Variants in KIAA0232 observed in about 807,000 individuals in gnomAD.
KIAA0232 encodes KIAA0232, also known as uncharacterized protein KIAA0232.
A neutral mutation model predicts 122.0 loss-of-function variants in KIAA0232; 27 were observed. That is an observed-to-expected ratio of 0.22 (90% CI 0.16 to 0.31). KIAA0232 has a LOEUF of 0.31. Among genes scored for constraint, KIAA0232 ranks in the 10% least tolerant of loss-of-function variants. KIAA0232 has a pLI of 1.00. For synonymous variants in KIAA0232, 613 were observed against 587.6 expected, an observed-to-expected ratio of 1.04 and a Z score of -0.63; for missense variants, 1,551 against 1,634.2, an observed-to-expected ratio of 0.95 and a Z score of 0.88.
intron 2 of KIAA0232, among the ~76,000 whole-genome samples, chr4:6,820,995 T>A (rs1442013064): frequency 2.0e-5 from 3 of 152,034 alleles, no homozygotes; most frequent in East Asian, 3.9e-4. Context: ...TATCCTTTTA[T>A]CAGGAGCCCA....
chr4:6,882,668 G>A lies in KIAA0232; in HGVS notation c.*1702G>A, dbSNP rs370519308. The stretch of plus-strand genomic sequence containing the variant: ...TGTGTGCGCGCGTGCGCGCGCGCAT[G>A]TGTAAGGTTTTATGTTGCTGTTATT... On this transcript the variant is annotated 3_prime_UTR_variant, in exon 10 of 10. Coordinates refer to ENST00000307659, the MANE Select transcript of KIAA0232 (RefSeq NM_014743.3). 2.6e-5 allele frequency: 4 copies of A among 152,714 alleles called. No homozygotes were observed. Among genetic ancestry groups the A allele is most frequent in the South Asian group, 4.1e-4 (2 of 4,820 alleles). 9.5% of individuals were successfully genotyped at this position (152,714 alleles called of 1,614,324 possible).
chr4:6,803,032 A>G (rs1313082728), intron 1 of KIAA0232, among the ~76,000 whole-genome samples: 1 of 140,500 alleles, frequency 7.1e-6, no homozygotes, highest in Non-Finnish European at 1.5e-5. Context: ...AAAAAAAAAA[A>G]AGCCAGGTTT....
intron 4 of KIAA0232, among the ~76,000 whole-genome samples, chr4:6,847,372 A>G (rs1162764763): frequency 1.3e-5 from 2 of 152,194 alleles, no homozygotes; most frequent in Non-Finnish European, 2.9e-5. Context: ...AACAAGTTGT[A>G]CCCCACATTA....
chr4:6,783,630 A>C (rs1716467584), intron 1 of KIAA0232, among the ~76,000 whole-genome samples: 3 of 148,036 alleles, frequency 2.0e-5, no homozygotes, highest in Admixed American at 2.0e-4. Flanking sequence ...GGAGGGCCGC[A>C]GGCGGGCGGG....
At chr4:6,814,965 T>C (rs1560170463) in intron 2 of KIAA0232, among the ~76,000 whole-genome samples, 1 of 152,130 alleles carries the variant, frequency 6.6e-6, no homozygotes. Context: ...TGATTTGGGC[T>C]AATTTTGCAT....
chr4:6,821,373 T>C (rs1374737655), intron 2 of KIAA0232, among the ~76,000 whole-genome samples: 2 of 152,104 alleles, frequency 1.3e-5, no homozygotes, highest in Non-Finnish European at 2.9e-5. Context: ...CTTACCCGTC[T>C]CCCACCCTTT....
chr4:6,853,140 T>G (rs1720384761), intron 4 of KIAA0232, among the ~76,000 whole-genome samples: 1 of 152,236 alleles, frequency 6.6e-6, no homozygotes, highest in Non-Finnish European at 1.5e-5. Context: ...GGTGCCTGAC[T>G]GACAAATAGG....
chr4:6,841,997 G>T, intron 3 of KIAA0232, 70 bp from the exon 4 acceptor site: 2 of 1,551,494 alleles, frequency 1.3e-6, no homozygotes, highest in Non-Finnish European at 1.7e-6. Flanking sequence ...GACTGAGTGT[G>T]TGTGGTAGGT....
intron 3 of KIAA0232, among the ~76,000 whole-genome samples, chr4:6,828,737 G>T (rs771091388): frequency 6.6e-6 from 1 of 152,104 alleles, no homozygotes; most frequent in Non-Finnish European, 1.5e-5. Flanking sequence ...CGTTGTTTAC[G>T]TGTATGTTTG....
chr4:6,858,240 T>C (rs144265402), intron 5 of KIAA0232, among the ~76,000 whole-genome samples, 185 bp from the exon 6 acceptor site: 76 of 152,348 alleles, frequency 5.0e-4, no homozygotes, highest in Non-Finnish European at 8.8e-4. Context: ...TAATGTGGTT[T>C]AATCGGAGAA....
At chr4:6,879,186 C>G (rs1229321886) in intron 9 of KIAA0232, among the ~76,000 whole-genome samples, 1 of 152,204 alleles carries the variant, frequency 6.6e-6, no homozygotes, top group Non-Finnish European at 1.5e-5. Context: ...TTCCAGCCTT[C>G]TCTCCACACA....
rs1718342647 is a variant in KIAA0232, at chr4:6,819,948, G to A, written c.-269-4237G>A. Among the ~76,000 whole-genome samples the A allele has an allele frequency of 1.3e-5, 2 of 152,160 alleles. 1 individual carries two copies. The highest frequency in any genetic ancestry group is 4.2e-4 in the South Asian group (2 of 4,812). On this transcript the variant is annotated intron_variant, in intron 2 of 9. Transcript: ENST00000307659. ...AAAGAATGAAACCATGTCCTTTGCA[G>A]CAACGTGGATGCAGCTGGAGGATAA...
intron 4 of KIAA0232, among the ~76,000 whole-genome samples, chr4:6,846,085 C>T (rs1719948423): frequency 8.8e-6 from 1 of 113,694 alleles, no homozygotes; most frequent in Non-Finnish European, 1.8e-5. Context: ...ATTGCTCTTT[C>T]CTTCTCATTT....
At chr4:6,806,878 C>A (rs1487678095) in intron 2 of KIAA0232, among the ~76,000 whole-genome samples, 1 of 151,858 alleles carries the variant, frequency 6.6e-6, no homozygotes, top group Non-Finnish European at 1.5e-5. Flanking sequence ...AAAGCTTTTC[C>A]CTTTTATTTA....
At chr4:6,792,724 C>T (rs1415158113) in intron 1 of KIAA0232, among the ~76,000 whole-genome samples, 1 of 139,396 alleles carries the variant, frequency 7.2e-6, no homozygotes, top group African/African-American at 2.7e-5. Context: ...GAGTCTCACT[C>T]TGTTGCCCAG....
chr4:6,871,524 C>G (rs749290175), intron 7 of KIAA0232, 50 bp from the exon 8 acceptor site: 4 of 1,065,778 alleles, frequency 3.8e-6, no homozygotes, highest in Non-Finnish European at 4.3e-6. Context: ...TATTCTTCCT[C>G]TAACCTGAAA....
chr4:6,882,856 C>T lies in KIAA0232; in HGVS notation c.*1890C>T, dbSNP rs1464817915. 2 of 152,644 alleles carry T rather than the reference C, an allele frequency of 1.3e-5. No individual in the cohort carries two copies. Among genetic ancestry groups the T allele is most frequent in the Non-Finnish European group, 2.9e-5 (2 of 68,036 alleles). The allele number at this position is 152,644 out of a possible 1,614,324, so 9.5% of individuals were successfully genotyped here. The stretch of plus-strand genomic sequence containing the variant: ...CTACAGTGACGATTATTCTAGAAAT[C>T]GTTGCTTGTGTAGCAAAGACCAAAT... On this transcript the variant is annotated 3_prime_UTR_variant, in exon 10 of 10. Transcript: ENST00000307659.
chr4:6,845,897 G>A (rs1279819056), intron 4 of KIAA0232, among the ~76,000 whole-genome samples: 2 of 152,142 alleles, frequency 1.3e-5, no homozygotes, highest in African/African-American at 4.8e-5. Flanking sequence ...CATGCTAGCC[G>A]AGTATGTCGT....
intron 7 of KIAA0232, among the ~76,000 whole-genome samples, chr4:6,866,012 C>T (rs762017605): frequency 1.3e-5 from 2 of 152,168 alleles, no homozygotes; most frequent in Non-Finnish European, 2.9e-5. Flanking sequence ...AGCCCCCAGG[C>T]GACTTGAGAG....
Sources: allele counts gnomAD v4.1 joint callset (sites outside exome capture counted in the v4.1 genomes callset), GRCh38; gene constraint gnomAD v4.1.1; transcripts MANE v1.5; gene names NCBI Gene and HGNC (gene_info 2026-07-23, HGNC 2026-07-21).